Variants in ACVR1 observed in about 807,000 individuals in gnomAD.
ACVR1 encodes the protein activin receptor type-1.
Under a neutral mutation model 57.1 loss-of-function variants are expected in ACVR1, and 38 were observed. The observed-to-expected ratio is 0.67, with a 90% CI of 0.51 to 0.87. The LOEUF (loss-of-function observed/expected upper bound fraction) is 0.87. Among genes scored for constraint, ACVR1 ranks in the 40% least tolerant of loss-of-function variants. The probability of loss-of-function intolerance (pLI) is 0.00; values close to 1 mark genes in which losing one functional copy is unlikely to be tolerated. For synonymous variants in ACVR1, 212 were observed against 228.1 expected, an observed-to-expected ratio of 0.93 and a Z score of 0.63; for missense variants, 463 against 638.2, an observed-to-expected ratio of 0.73 and a Z score of 2.96.
intron 2 of ACVR1, among the ~76,000 whole-genome samples, chr2:157,807,498 G>A (rs1338932627): frequency 1.3e-5 from 2 of 151,544 alleles, no homozygotes; most frequent in African/African-American, 4.9e-5. Flanking sequence ...CTGCTATTTT[G>A]CTACATTCTC....
At chr2:157,833,067 T>C (rs1272617605) in intron 1 of ACVR1, among the ~76,000 whole-genome samples, 2 of 152,208 alleles carry the variant, frequency 1.3e-5, no homozygotes, top group Admixed American at 6.5e-5. Context: ...CCCACACATA[T>C]ATAAGCCTTT....
intron 7 of ACVR1, among the ~76,000 whole-genome samples, chr2:157,768,007 T>G (rs1275488113): frequency 6.6e-6 from 1 of 152,238 alleles, no homozygotes; most frequent in Non-Finnish European, 1.5e-5. Flanking sequence ...GGTCTGATTC[T>G]AGAACCCAGA....
At chr2:157,865,943 ACT>A (rs1689913730) in intron 1 of ACVR1, among the ~76,000 whole-genome samples, 1 of 152,006 alleles carries the variant, frequency 6.6e-6, no homozygotes, top group Admixed American at 6.6e-5. Context: ...GTAGTACTGA[ACT>A]CTATCTATGG....
At chr2:157,789,953 GAAC>G (rs1686848280) in intron 3 of ACVR1, among the ~76,000 whole-genome samples, 1 of 152,188 alleles carries the variant, frequency 6.6e-6, no homozygotes, top group Non-Finnish European at 1.5e-5. Context: ...GCTGTAAGGA[GAAC>G]AATATGAAGT....
At chr2:157,807,170 T>G (rs930347478) in intron 2 of ACVR1, among the ~76,000 whole-genome samples, 1 of 152,122 alleles carries the variant, frequency 6.6e-6, no homozygotes, top group South Asian at 2.1e-4. Context: ...TAAGGCTTAA[T>G]GTGAAAGGAA....
intron 1 of ACVR1, chr2:157,838,386 T>C (rs928264330): frequency 2.5e-4 from 38 of 152,240 alleles, no homozygotes; most frequent in African/African-American, 8.9e-4. Context: ...TGCTTATTGG[T>C]ACTGTTTTCC....
chr2:157,829,031 G>A (rs752601291), intron 1 of ACVR1, among the ~76,000 whole-genome samples: 1 of 152,154 alleles, frequency 6.6e-6, no homozygotes, highest in Non-Finnish European at 1.5e-5. Flanking sequence ...GCCTCCCAAA[G>A]TGCTGGGATT....
At position 157,784,534 on chromosome 2, in the gene ACVR1, T is replaced by C. The variant is rs146089840; in HGVS notation, c.68-3934A>G. Among the ~76,000 whole-genome samples, 930 of 152,356 alleles carry C rather than the reference T, an allele frequency of 6.1e-3. 9 individuals carry two copies. Among genetic ancestry groups the C allele is most frequent in the African/African-American group, 0.021 (854 of 41,590 alleles). On this transcript the variant is annotated intron_variant, in intron 3 of 10. Coordinates refer to ENST00000434821, the MANE Select transcript of ACVR1 (RefSeq NM_001111067.4). ...CTGCAGAGCTCACCCACATTGTTTG[T>C]TCTAGAAGGCACCTCCCGGCATTAC...
chr2:157,763,484 C>G (rs929685101), intron 8 of ACVR1, among the ~76,000 whole-genome samples: 1 of 151,976 alleles, frequency 6.6e-6, no homozygotes, highest in African/African-American at 2.4e-5. Flanking sequence ...TTTGGGAGGC[C>G]GAGATGGGAT....
At chr2:157,873,056 C>G (rs896519581) in intron 1 of ACVR1, among the ~76,000 whole-genome samples, 1 of 152,086 alleles carries the variant, frequency 6.6e-6, no homozygotes, top group African/African-American at 2.4e-5. Context: ...ACATAATTTC[C>G]TCTCAAAAAA....
intron 1 of ACVR1, among the ~76,000 whole-genome samples, chr2:157,820,442 T>C (rs928317855): frequency 2.6e-5 from 4 of 152,224 alleles, no homozygotes. Context: ...AGTGTTCAGC[T>C]GTCCTGCCTA....
At chr2:157,760,282 C>G (rs1160826724) in intron 9 of ACVR1, among the ~76,000 whole-genome samples, 1 of 151,976 alleles carries the variant, frequency 6.6e-6, no homozygotes, top group African/African-American at 2.4e-5. Flanking sequence ...TTACCAGAAG[C>G]TGAGAAGGTT....
intron 1 of ACVR1, among the ~76,000 whole-genome samples, chr2:157,860,976 C>T (rs758747246): frequency 2.6e-5 from 4 of 152,314 alleles, no homozygotes; most frequent in African/African-American, 4.8e-5. Flanking sequence ...AAGGACCACA[C>T]GCTGAGTAGC....
At chr2:157,803,909 A>AT (rs138771390) in intron 2 of ACVR1, among the ~76,000 whole-genome samples, 10,945 of 149,614 alleles carry the variant, frequency 0.073, 1,343 homozygotes, top group African/African-American at 0.25. Flanking sequence ...ATACTACCTT[A>AT]TTTTTTTTTT....
At chr2:157,854,645 C>T (rs1342490309) in intron 1 of ACVR1, among the ~76,000 whole-genome samples, 1 of 151,732 alleles carries the variant, frequency 6.6e-6, no homozygotes, top group Non-Finnish European at 1.5e-5. Flanking sequence ...ATGGCATGAA[C>T]CCGGGAGGCA....
intron 3 of ACVR1, among the ~76,000 whole-genome samples, chr2:157,781,151 G>A (rs1198380059): frequency 1.3e-5 from 2 of 152,228 alleles, no homozygotes; most frequent in Non-Finnish European, 1.5e-5. Context: ...TCCCTTACTC[G>A]AAATGTTTGA....
rs188056351 is a variant in ACVR1 at position 157,770,619 on chromosome 2, C to A, written c.644-105G>T. 203 of 1,142,974 alleles carry A rather than the reference C, an allele frequency of 1.8e-4. 1 individual carries two copies. The African/African-American group carries it at 2.8e-3, about 16-fold the overall frequency. The allele number at this position is 1,142,974 out of a possible 1,614,324, so 70.8% of individuals were successfully genotyped here. ...TAGTGCATGCAACTCTTAATCCCTCCATTGCTTACTGGAGAAACTCAGCTT... is the reference window on the plus strand; with the variant it reads ...TAGTGCATGCAACTCTTAATCCCTCAATTGCTTACTGGAGAAACTCAGCTT... On this transcript the variant is annotated intron_variant, in intron 6 of 10. Transcript: ENST00000434821.
chr2:157,767,868 C>G (rs147640451), intron 7 of ACVR1, among the ~76,000 whole-genome samples: 86 of 152,298 alleles, frequency 5.6e-4, no homozygotes, highest in African/African-American at 2.0e-3. Flanking sequence ...ATTTGATCAT[C>G]ATCATCATCG....
intron 1 of ACVR1, among the ~76,000 whole-genome samples, chr2:157,860,881 A>G (rs1689694695): frequency 6.6e-6 from 1 of 152,184 alleles, no homozygotes; most frequent in South Asian, 2.1e-4. Flanking sequence ...ACTGGGGGAT[A>G]CTGCTGCAAA....
Sources: gnomAD v4.1 joint callset for allele counts (sites outside exome capture counted in the v4.1 genomes callset) on GRCh38, gnomAD v4.1.1 for gene constraint, MANE v1.5 for transcripts, NCBI Gene and HGNC (gene_info 2026-07-23, HGNC 2026-07-21) for gene names.